The following SDCCAG8 variants were observed in gnomAD, a reference collection of about 807,000 sequenced individuals.
The protein encoded by SDCCAG8 is SHH signaling and ciliogenesis regulator SDCCAG8.
A neutral mutation model predicts 101.8 loss-of-function variants in SDCCAG8; 74 were observed. The observed-to-expected ratio is 0.73, with a 90% confidence interval of 0.60 to 0.88. The LOEUF (loss-of-function observed/expected upper bound fraction) is 0.88, where lower values mean the gene tolerates loss of function less well. Ranked by LOEUF, SDCCAG8 falls within the 40% of genes least tolerant of loss-of-function variation. SDCCAG8 has a pLI of 0.00. For missense variants in SDCCAG8, 787 were observed against 822.6 expected (o/e 0.96, Z 0.53); for synonymous variants, 281 against 292.9 (o/e 0.96, Z 0.41).
In SDCCAG8 at chr1:243,415,591, C is replaced by T. The variant is rs115086814; in HGVS notation, c.1617-111C>T. The stretch of plus-strand genomic sequence containing the variant: ...GGGTCATTAGAAAGGTCCTTGTCTT[C>T]TTATGCTTAACAATTTACTACGTAT... On this transcript the variant is annotated intron_variant, in intron 13 of 17. Transcript: ENST00000366541. The T allele has an allele frequency of 2.4e-3, 3,531 of 1,482,558 alleles. 77 individuals are homozygous for T. The African/African-American group carries it at 0.043, about 18-fold the overall frequency. The allele number at this position is 1,482,558 out of a possible 1,614,324, so 91.8% of individuals were successfully genotyped here.
At chr1:243,399,696 G>A (rs1011274584) in intron 13 of SDCCAG8, among the ~76,000 whole-genome samples, 1 of 151,970 alleles carries the variant, frequency 6.6e-6, no homozygotes, top group Non-Finnish European at 1.5e-5. Flanking sequence ...TAGTAGAGAC[G>A]AGATTTCACC....
intron 13 of SDCCAG8, among the ~76,000 whole-genome samples, chr1:243,381,721 A>G (rs1371095206): frequency 6.6e-6 from 1 of 152,222 alleles, no homozygotes; most frequent in East Asian, 1.9e-4. Context: ...GGTCCTAGGC[A>G]TAGAGAGAAA....
Position 243,330,579 on chromosome 1 carries a change from A to G in SDCCAG8, c.1108A>G (p.Arg370Gly), listed in dbSNP as rs968349091. The change falls in exon 10 of 18, where the codon AGG (arginine) becomes GGG (glycine). Residue 370 changes from arginine (R) to glycine (G), a missense_variant. Arg to Gly is a moderately radical substitution (Grantham distance 125). Transcript: ENST00000366541. ...TGACCAGTTGAGGAAGGAGCTGGAG[A>G]GGCAGGCGGAGCGACTTGAAAAAGA... Reference protein sequence around the residue: ...QCDQLRKELERQAERLEKELA... With the variant: ...QCDQLRKELEGQAERLEKELA... 1.2e-6 allele frequency: 2 copies of G among 1,614,058 alleles called. No individual in the cohort carries two copies. Among genetic ancestry groups the G allele is most frequent in the Non-Finnish European group, 1.7e-6 (2 of 1,179,988 alleles).
intron 16 of SDCCAG8, among the ~76,000 whole-genome samples, chr1:243,451,694 T>A (rs141612914): frequency 6.6e-6 from 1 of 152,196 alleles, no homozygotes; most frequent in African/African-American, 2.4e-5. Context: ...GAGGCCAAGT[T>A]GGGTGGCTCA....
chr1:243,376,433 CTG>C (rs2077601099), intron 12 of SDCCAG8, among the ~76,000 whole-genome samples: 1 of 152,130 alleles, frequency 6.6e-6, no homozygotes, highest in Admixed American at 6.6e-5. Flanking sequence ...TTCTTTACCT[CTG>C]TGTTTGGACT....
In SDCCAG8 at chr1:243,499,944, C is replaced by T. The variant is rs1012350839; in HGVS notation, c.*159C>T. The T allele has an allele frequency of 1.6e-5, 11 of 696,452 alleles. No homozygotes were observed. The highest frequency in any genetic ancestry group is 5.3e-5 in the African/African-American group (3 of 57,012). The allele number at this position is 696,452 out of a possible 1,614,324, so 43.1% of individuals were successfully genotyped here. Reference sequence around the variant, plus strand: ...CATCAACGCGGGCGCTGTCCCCGCACGCAGTCGGGCTGGAGCTGGAGTCTG... The same window carrying T: ...CATCAACGCGGGCGCTGTCCCCGCATGCAGTCGGGCTGGAGCTGGAGTCTG... On this transcript the variant is annotated 3_prime_UTR_variant, in exon 18 of 18. Coordinates refer to ENST00000366541, the MANE Select transcript of SDCCAG8 (RefSeq NM_006642.5).
chr1:243,362,785 A>G (rs1037881613), intron 12 of SDCCAG8, among the ~76,000 whole-genome samples: 1 of 152,182 alleles, frequency 6.6e-6, no homozygotes, highest in Non-Finnish European at 1.5e-5. Flanking sequence ...CTATTGCCTA[A>G]GCTTATGTTA....
rs543507442 is a variant in SDCCAG8, at chr1:243,297,470, C to CT, written c.675+4252dup. 5.3e-4 allele frequency among the ~76,000 whole-genome samples: 80 copies of CT among 152,328 alleles called. 3 individuals carry two copies. In the South Asian group the frequency reaches 0.016, roughly 31 times the overall value. On this transcript the variant is annotated intron_variant, in intron 6 of 17. Coordinates refer to ENST00000366541, the MANE Select transcript of SDCCAG8 (RefSeq NM_006642.5). ...TGGAATTCTTGCTCTCAGGATATGT[C>CT]TGTGTTCAACTTGAGTAGGTAATGA... is the stretch of plus-strand genomic sequence containing the variant.
At chr1:243,362,356 G>A (rs1029437444) in intron 12 of SDCCAG8, among the ~76,000 whole-genome samples, 3 of 151,184 alleles carry the variant, frequency 2.0e-5, no homozygotes, top group Non-Finnish European at 4.4e-5. Context: ...AGATGGCCAA[G>A]TGACTGCCTC....
chr1:243,477,759 C>G (rs191262408), intron 16 of SDCCAG8, among the ~76,000 whole-genome samples: 2 of 152,316 alleles, frequency 1.3e-5, no homozygotes, highest in Non-Finnish European at 2.9e-5. Flanking sequence ...CACTGGGGGC[C>G]AGTGTGGCAC....
chr1:243,421,025 A>G (rs996987289), intron 15 of SDCCAG8, among the ~76,000 whole-genome samples: 6 of 152,164 alleles, frequency 3.9e-5, no homozygotes, highest in African/African-American at 1.4e-4. Flanking sequence ...AGGTAAGGAA[A>G]ATCTTGGAGT....
intron 4 of SDCCAG8, among the ~76,000 whole-genome samples, chr1:243,283,669 TATTACCCCGCTGTTCTTGC>T (rs1194987771): frequency 1.3e-5 from 2 of 152,142 alleles, no homozygotes; most frequent in African/African-American, 4.8e-5. Context: ...TCTCTGCTTA[TATTACCCCGCTGTTCTTGC>T]ATATAGTCTA....
chr1:243,294,519 G>GAGAGAGAGAGAGAGAGAGAGAGAGA (rs2070642122), intron 6 of SDCCAG8, among the ~76,000 whole-genome samples: 1 of 150,840 alleles, frequency 6.6e-6, no homozygotes. Flanking sequence ...GAGAGAGAGA[G>GAGAGAGAGAGAGAGAGAGAGAGAGA]AGAGAGAACA....
At chr1:243,345,964 G>A (rs1297801422) in intron 12 of SDCCAG8, among the ~76,000 whole-genome samples, 1 of 152,144 alleles carries the variant, frequency 6.6e-6, no homozygotes, top group African/African-American at 2.4e-5. Context: ...ATAGAGATGT[G>A]CCTTTTTAGG....
intron 16 of SDCCAG8, among the ~76,000 whole-genome samples, chr1:243,486,236 T>C (rs1171626756): frequency 3.3e-5 from 5 of 149,866 alleles, no homozygotes; most frequent in South Asian, 2.1e-4. Flanking sequence ...AAAAATCTCT[T>C]TTCCCAATAT....
rs116438869 is a variant in SDCCAG8, at chr1:243,467,776, T to C, written c.1986-21238T>C. Among the ~76,000 whole-genome samples the C allele has an allele frequency of 6.7e-3, 1,016 of 152,256 alleles. 11 individuals are homozygous for C. The highest frequency in any genetic ancestry group is 0.022 in the African/African-American group (926 of 41,552). ...TTGGTGTGTATTTGTGTGTGAAGCA[T>C]TGAAACGCATGTCACGTCCTGCCAT... On this transcript the variant is annotated intron_variant, in intron 16 of 17. Transcript: ENST00000366541.
Position 243,256,111 on chromosome 1 carries a change from T to C in SDCCAG8, c.-63T>C, listed in dbSNP as rs962565883. On this transcript the variant is annotated 5_prime_UTR_variant, in exon 1 of 18. Transcript: ENST00000366541. Reference sequence around the variant, plus strand: ...CTCCCCGGCCACAGGCCTGTTGTTCTCGGAAGGGAGAAAGCTGGACATTTC... The same window carrying C: ...CTCCCCGGCCACAGGCCTGTTGTTCCCGGAAGGGAGAAAGCTGGACATTTC... The C allele has an allele frequency of 6.6e-7, 1 of 1,516,996 alleles. No individual in the cohort carries two copies. The highest frequency in any genetic ancestry group is 9.2e-7 in the Non-Finnish European group (1 of 1,091,508). The allele number at this position is 1,516,996 out of a possible 1,614,324, so 94.0% of individuals were successfully genotyped here. A position where few individuals can be genotyped will look rare whatever the true frequency, so the allele number is the denominator to read the frequency against.
intron 13 of SDCCAG8, among the ~76,000 whole-genome samples, chr1:243,394,795 C>T (rs1573787077): frequency 1.3e-5 from 2 of 151,700 alleles, no homozygotes; most frequent in South Asian, 2.1e-4. Context: ...CCCTTAGAAA[C>T]GGCTTTACTC....
intron 17 of SDCCAG8, among the ~76,000 whole-genome samples, chr1:243,496,727 G>A (rs1668006367): frequency 6.6e-6 from 1 of 152,248 alleles, no homozygotes. Flanking sequence ...GGACCCCACA[G>A]TGTGGTTGCC....
Sources: allele counts gnomAD v4.1 joint callset (sites outside exome capture counted in the v4.1 genomes callset), GRCh38; gene constraint gnomAD v4.1.1; transcripts MANE v1.5; gene names NCBI Gene and HGNC (gene_info 2026-07-23, HGNC 2026-07-21).